Variants in CD40 observed in about 807,000 individuals in gnomAD.
CD40 encodes the protein tumor necrosis factor receptor superfamily member 5.
CD40 carries 19 observed loss-of-function variants against 38.5 expected under a neutral mutation model. That is an observed-to-expected ratio of 0.49 (90% CI 0.34 to 0.72). CD40 has a LOEUF of 0.72. Ranked by LOEUF, CD40 falls within the 30% of genes least tolerant of loss-of-function variation. The pLI, the probability that CD40 is intolerant of heterozygous loss-of-function variation, is 0.01. For missense variants in CD40, 256 were observed against 344.1 expected, an observed-to-expected ratio of 0.74 and a Z score of 2.03; for synonymous variants, 130 against 128.7, an observed-to-expected ratio of 1.01 and a Z score of -0.07.
intron 1 of CD40, among the ~76,000 whole-genome samples, chr20:46,120,573 C>A (rs570432736): frequency 6.6e-6 from 1 of 152,358 alleles, no homozygotes; most frequent in South Asian, 2.1e-4. Flanking sequence ...AGAGTTAATG[C>A]CTCTCAAAGG....
chr20:46,123,422 A>G (rs1600658434), intron 5 of CD40, among the ~76,000 whole-genome samples: 1 of 152,266 alleles, frequency 6.6e-6, no homozygotes, highest in South Asian at 2.1e-4. Flanking sequence ...GAGGTAATAG[A>G]CACTGTTGAT....
chr20:46,120,441 G>A (rs529603217), intron 1 of CD40, among the ~76,000 whole-genome samples: 1 of 152,316 alleles, frequency 6.6e-6, no homozygotes, highest in South Asian at 2.1e-4. Flanking sequence ...TTCACTGGCT[G>A]TTCCCAAACT....
intron 8 of CD40, 152 bp from the exon 9 acceptor site, chr20:46,128,730 C>G (rs778258259): frequency 2.6e-6 from 2 of 780,306 alleles, no homozygotes; most frequent in East Asian, 2.7e-5. Flanking sequence ...GTGTGGCCAG[C>G]AGGGGGCAGG....
intron 6 of CD40, 59 bp from the exon 7 acceptor site, chr20:46,128,079 G>A: frequency 4.3e-6 from 7 of 1,614,000 alleles, no homozygotes; most frequent in Middle Eastern, 1.7e-4. Flanking sequence ...GTCACAGCAG[G>A]TTGAGGGTAG....
At chr20:46,120,195 A>G (rs2085290539) in intron 1 of CD40, among the ~76,000 whole-genome samples, 1 of 152,236 alleles carries the variant, frequency 6.6e-6, no homozygotes, top group Non-Finnish European at 1.5e-5. Flanking sequence ...TGCAAGCAGA[A>G]ACAAATGAAT....
rs527397980 is a variant in CD40, at chr20:46,128,045, T to C, written c.560-93T>C. On this transcript the variant is annotated intron_variant, in intron 6 of 8. Transcript: ENST00000372285. ...CTTCTGATGTAGATGAGCTCTGACA[T>C]TGGAAGATTCTGGAGTCTGACAAGT... The C allele has an allele frequency of 1.9e-5, 30 of 1,610,028 alleles. No homozygotes were observed. In the African/African-American group the frequency reaches 3.5e-4, roughly 19 times the overall value.
intron 6 of CD40, 119 bp from the exon 7 acceptor site, chr20:46,128,019 C>T (rs190106227): frequency 1.3e-6 from 2 of 1,589,948 alleles, no homozygotes; most frequent in South Asian, 1.1e-5. Flanking sequence ...GCGGTTTGAA[C>T]CTTCTGATGT....
At chr20:46,123,799 C>T (rs964701304) in intron 5 of CD40, among the ~76,000 whole-genome samples, 2 of 152,164 alleles carry the variant, frequency 1.3e-5, no homozygotes, top group African/African-American at 4.8e-5. Context: ...CATGAGCGTT[C>T]GACAGTTTCT....
At chr20:46,119,801 C>T (rs989421691) in intron 1 of CD40, among the ~76,000 whole-genome samples, 9 of 152,214 alleles carry the variant, frequency 5.9e-5, no homozygotes, top group African/African-American at 2.2e-4. Context: ...TGTGAATCTA[C>T]ATCTGCATGA....
In CD40 at chr20:46,129,225, T is replaced by C; in HGVS notation, c.*185T>C. On this transcript the variant is annotated 3_prime_UTR_variant, in exon 9 of 9. Transcript: ENST00000372285. ...GCACTGGATGCAGAAACAGTTCACC[T>C]TGAAGAACCTCTCACTTCACCCTGG... 1 of 660,210 alleles carries C rather than the reference T, an allele frequency of 1.5e-6. No homozygotes were observed. The highest frequency in any genetic ancestry group is 2.7e-6 in the Non-Finnish European group (1 of 367,086). 40.9% of individuals were successfully genotyped at this position (660,210 alleles called of 1,614,324 possible).
At chr20:46,120,066 T>G (rs11569310) in intron 1 of CD40, among the ~76,000 whole-genome samples, 2 of 152,198 alleles carry the variant, frequency 1.3e-5, no homozygotes, top group Admixed American at 1.3e-4. Context: ...TCCTTTCCCA[T>G]TTTGGGTAAG....
At chr20:46,118,442 A>C in intron 1 of CD40, 48 bp downstream of exon 1, 1 of 1,508,186 alleles carries the variant, frequency 6.6e-7, no homozygotes, top group Non-Finnish European at 9.0e-7. Flanking sequence ...GTGGGGAATG[A>C]GAAGGAAAGG....
intron 5 of CD40, among the ~76,000 whole-genome samples, chr20:46,124,397 T>A (rs1479511089): frequency 6.6e-6 from 1 of 152,198 alleles, no homozygotes; most frequent in Non-Finnish European, 1.5e-5. Context: ...GCCAAAGTGA[T>A]GTCTTTCTCC....
intron 6 of CD40, 118 bp downstream of exon 6, chr20:46,126,819 G>A: frequency 1.9e-6 from 3 of 1,548,054 alleles, no homozygotes; most frequent in Non-Finnish European, 2.6e-6. Flanking sequence ...TTGGGGGTGT[G>A]GTATCACAGC....
rs748416131 is a variant in CD40 at position 46,118,371 on chromosome 20, C to A, written c.28C>A (p.Leu10Ile). Reference sequence around the variant, plus strand: ...GGTTCGTCTGCCTCTGCAGTGCGTCCTCTGGGGCTGCTTGCTGACCGCTGT... The same window carrying A: ...GGTTCGTCTGCCTCTGCAGTGCGTCATCTGGGGCTGCTTGCTGACCGCTGT... Reference protein sequence around the residue: MVRLPLQCVLWGCLLTAVHP... With the variant: MVRLPLQCVIWGCLLTAVHP... The change falls in exon 1 of 9, where the codon CTC becomes ATC. Residue 10 changes from leucine (L) to isoleucine (I), a missense_variant. Physicochemically the swap from Leu to Ile is conservative, Grantham distance 5. Coordinates refer to ENST00000372285, the MANE Select transcript of CD40 (RefSeq NM_001250.6). 17 of 1,614,136 alleles carry A rather than the reference C, an allele frequency of 1.1e-5. No individual in the cohort carries two copies. In the South Asian group the frequency reaches 1.9e-4, roughly 18 times the overall value.
At position 46,122,123 on chromosome 20, in the gene CD40, G is replaced by T; in HGVS notation, c.131-110G>T. Reference sequence around the variant, plus strand: ...CCTCGCCTGATTATGAAGGATCCAAGACTTTCATCTTTGAATCCCCTACCC... The same window carrying T: ...CCTCGCCTGATTATGAAGGATCCAATACTTTCATCTTTGAATCCCCTACCC... On this transcript the variant is annotated intron_variant, in intron 2 of 8. Transcript: ENST00000372285. The surrounding 1 kb of genome is among the most constrained non-coding windows in gnomAD (Gnocchi z 5.0). 7.2e-7 allele frequency: 1 copy of T among 1,392,082 alleles called. No individual in the cohort carries two copies. The highest frequency in any genetic ancestry group is 1.2e-5 in the South Asian group (1 of 85,370). 86.2% of individuals were successfully genotyped at this position (1,392,082 alleles called of 1,614,324 possible).
intron 5 of CD40, 106 bp downstream of exon 5, chr20:46,123,325 C>A: frequency 1.1e-6 from 1 of 896,986 alleles, no homozygotes; most frequent in Non-Finnish European, 1.9e-6. Flanking sequence ...TCCACACACA[C>A]TCATGTACTT....
chr20:46,123,099 A>C, intron 4 of CD40, 27 bp from the exon 5 acceptor site: 1 of 1,550,976 alleles, frequency 6.4e-7, no homozygotes, highest in Non-Finnish European at 8.9e-7. Context: ...TGTGATGGTT[A>C]ATGTCCCCCT....
At position 46,123,160 on chromosome 20, in the gene CD40, C is replaced by T; in HGVS notation, c.438C>T (p.Cys146=). ...TTTCTGATACCATCTGCGAGCCCTG[C>T]CCAGTCGGCTTCTTCTCCAATGTGT... ...TGVSDTICEP[C]PVGFFSNVSS... The change falls in exon 5 of 9, where the codon TGC becomes TGT. Residue 146 remains cysteine (C), a synonymous_variant. Coordinates refer to ENST00000372285, the MANE Select transcript of CD40 (RefSeq NM_001250.6). 2 of 1,614,180 alleles carry T rather than the reference C, an allele frequency of 1.2e-6. No homozygotes were observed. Among genetic ancestry groups the T allele is most frequent in the Admixed American group, 1.7e-5 (1 of 60,030 alleles).
Sources: gnomAD v4.1 joint callset for allele counts (sites outside exome capture counted in the v4.1 genomes callset) on GRCh38, gnomAD v4.1.1 for gene constraint, Gnocchi (gnomAD v3.1) non-coding constraint, MANE v1.5 for transcripts, NCBI Gene and HGNC (gene_info 2026-07-23, HGNC 2026-07-21) for gene names.